ARAP2: variants seen among roughly 807,000 people sequenced by gnomAD.
The protein encoded by ARAP2 is ArfGAP with RhoGAP domain, ankyrin repeat and PH domain 2.
A neutral mutation model predicts 194.5 loss-of-function variants in ARAP2; 148 were observed. That is an observed-to-expected ratio of 0.76 (90% confidence interval 0.67 to 0.87). The LOEUF (loss-of-function observed/expected upper bound fraction) is 0.87. ARAP2 is among the 40% of genes least tolerant of loss of function. ARAP2 has a pLI of 0.00. For synonymous variants in ARAP2, 695 were observed against 683.5 expected, an observed-to-expected ratio of 1.02 and a Z score of -0.26; for missense variants, 2,128 against 1,989.7, an observed-to-expected ratio of 1.07 and a Z score of -1.32.
At chr4:36,148,815 C>A (rs548095725) in intron 16 of ARAP2, among the ~76,000 whole-genome samples, 1 of 152,274 alleles carries the variant, frequency 6.6e-6, no homozygotes, top group South Asian at 2.1e-4. Context: ...TTCCCTCTCT[C>A]ACCACTCCTT....
At chr4:36,127,293 G>A (rs995112200) in intron 21 of ARAP2, among the ~76,000 whole-genome samples, 3 of 152,052 alleles carry the variant, frequency 2.0e-5, no homozygotes, top group Non-Finnish European at 4.4e-5. Context: ...ATTTAGCTCT[G>A]TGTTTTATAT....
intron 2 of ARAP2, among the ~76,000 whole-genome samples, chr4:36,224,844 G>A (rs1470071683): frequency 2.0e-5 from 3 of 151,884 alleles, no homozygotes; most frequent in African/African-American, 4.8e-5. Flanking sequence ...CTACTATAAC[G>A]TGAAACATAA....
At chr4:36,035,693 C>T (rs1719787226) in intron 5 of ARAP2, among the ~76,000 whole-genome samples, 1 of 152,064 alleles carries the variant, frequency 6.6e-6, no homozygotes, top group African/African-American at 2.4e-5. Flanking sequence ...TTCATCAATA[C>T]ATTTTTTAAA....
intron 16 of ARAP2, among the ~76,000 whole-genome samples, chr4:36,150,214 GAA>G (rs1264897864): frequency 6.6e-6 from 1 of 152,096 alleles, no homozygotes; most frequent in East Asian, 1.9e-4. Flanking sequence ...GATCGTCATA[GAA>G]TATTCTCCTT....
chr4:36,193,968 C>T (rs911757248), intron 6 of ARAP2, among the ~76,000 whole-genome samples: 2 of 152,128 alleles, frequency 1.3e-5, no homozygotes, highest in African/African-American at 4.8e-5. Context: ...AAAGATAATC[C>T]TTCCACGAAG....
At position 36,060,734 on chromosome 4, in the gene ARAP2, C is replaced by T. The variant is rs536435895; in HGVS notation, n.148-2591G>A. Among the ~76,000 whole-genome samples the T allele has an allele frequency of 1.5e-3, 229 of 152,182 alleles. 5 individuals are homozygous for T. Among genetic ancestry groups the T allele is most frequent in the South Asian group, 8.3e-4 (4 of 4,834 alleles). On this transcript the variant is annotated intron_variant and non_coding_transcript_variant, in intron 1 of 12. Coordinates refer to the ARAP2 transcript ENST00000503225. ...GTTTGTTTTCTTATAAGGTCTTTCT[C>T]TTCACTTTGCAGACACTCTCCTTGT... is the stretch of plus-strand genomic sequence containing the variant.
intron 6 of ARAP2, among the ~76,000 whole-genome samples, chr4:36,017,663 C>G (rs908421916): frequency 6.1e-5 from 9 of 147,824 alleles, no homozygotes; most frequent in African/African-American, 2.0e-4. Flanking sequence ...TCCTATACCC[C>G]TGGGACAGTA....
intron 9 of ARAP2, among the ~76,000 whole-genome samples, chr4:36,009,960 C>T (rs894473934): frequency 2.0e-5 from 3 of 151,154 alleles, no homozygotes; most frequent in Admixed American, 6.6e-5. Context: ...TTCTCTTTTT[C>T]CTTGAGATTT....
intron 7 of ARAP2, among the ~76,000 whole-genome samples, chr4:36,193,002 A>C (rs13122593): frequency 0.25 from 38,235 of 152,184 alleles, 5,428 homozygotes; most frequent in South Asian, 0.33. Context: ...TCTCCAAAAA[A>C]GAAAAAAAAG....
At chr4:36,119,742 A>G in intron 23 of ARAP2, 24 bp from the exon 24 acceptor site, 1 of 1,509,198 alleles carries the variant, frequency 6.6e-7, no homozygotes. Flanking sequence ...AATTCGGGAC[A>G]TTCTAATAAT....
chr4:36,158,102 T>C lies in ARAP2; in HGVS notation c.2752+628A>G, dbSNP rs1733002164. Among the ~76,000 whole-genome samples, 6 of 152,174 alleles carry C rather than the reference T, an allele frequency of 3.9e-5. No individual in the cohort carries two copies. The South Asian group carries it at 1.2e-3, about 32-fold the overall frequency. On this transcript the variant is annotated intron_variant, in intron 15 of 32. Transcript: ENST00000303965. ...TATATACATGAGCATAAGGACTGTG[T>C]CTTAGTCATTTCTAAAATCCCGATA... is the stretch of plus-strand genomic sequence containing the variant.
intron 24 of ARAP2, among the ~76,000 whole-genome samples, 158 bp from the exon 25 acceptor site, chr4:36,117,293 T>C (rs1721596356): frequency 6.6e-6 from 1 of 151,778 alleles, no homozygotes; most frequent in Admixed American, 6.6e-5. Context: ...TGTGCCCATT[T>C]CCACATATGG....
chr4:36,198,467 G>A (rs1238959494), intron 6 of ARAP2, among the ~76,000 whole-genome samples: 5 of 152,200 alleles, frequency 3.3e-5, no homozygotes, highest in Non-Finnish European at 5.9e-5. Context: ...TCTGCCCATG[G>A]CCCAGCTTCA....
At chr4:36,012,060 G>A (rs1280057602) in intron 9 of ARAP2, among the ~76,000 whole-genome samples, 2 of 152,062 alleles carry the variant, frequency 1.3e-5, no homozygotes, top group East Asian at 3.9e-4. Flanking sequence ...TTCATGGTAT[G>A]TCATTATTAA....
chr4:36,121,491 T>C (rs994766755), intron 22 of ARAP2, among the ~76,000 whole-genome samples, 165 bp from the exon 23 acceptor site: 3 of 151,724 alleles, frequency 2.0e-5, no homozygotes, highest in African/African-American at 7.3e-5. Flanking sequence ...AAGTAGCTTA[T>C]AATGATAGTT....
In ARAP2 at chr4:36,056,174, T is replaced by C. The variant is rs75255383; in HGVS notation, n.321+1796A>G. ...AAAACTATAATAATACAAATTCTTT[T>C]ATCAATGTAACCATTTGTATAAAGT... On this transcript the variant is annotated intron_variant and non_coding_transcript_variant, in intron 2 of 12. Coordinates refer to the ARAP2 transcript ENST00000503225. Among the ~76,000 whole-genome samples, 460 of 152,358 alleles carry C rather than the reference T, an allele frequency of 3.0e-3. 1 individual carries two copies. The highest frequency in any genetic ancestry group is 0.01 in the African/African-American group (423 of 41,586).
At position 36,210,696 on chromosome 4, in the gene ARAP2, T is replaced by C. The variant is rs891696720; in HGVS notation, c.1181A>G (p.Asp394Gly). The change falls in exon 6 of 33, where the codon GAT becomes GGT. Residue 394 changes from aspartate (D) to glycine (G), a missense_variant. Transcript: ENST00000303965. ...TTTGTCCTCTCGAGGTATCCAAATA[T>C]CTTCCACCTTGTCCTCGCTTATTTT... ...KEKISEDKVE[D>G]IWIPREDKNN... 1.9e-6 allele frequency: 3 copies of C among 1,611,546 alleles called. No individual in the cohort carries two copies. Among genetic ancestry groups the C allele is most frequent in the Non-Finnish European group, 8.5e-7 (1 of 1,179,316 alleles).
At chr4:36,190,423 A>G (rs999873160) in intron 7 of ARAP2, among the ~76,000 whole-genome samples, 22 of 152,326 alleles carry the variant, frequency 1.4e-4, no homozygotes, top group Admixed American at 1.2e-3. Context: ...AGTTAATACT[A>G]TAGAAATATT....
At chr4:36,020,422 TA>T (rs1716717292) in intron 5 of ARAP2, among the ~76,000 whole-genome samples, 1 of 136,732 alleles carries the variant, frequency 7.3e-6, no homozygotes. Context: ...CGCCCCCACC[TA>T]AAAAAAGTAA....
Sources: allele counts gnomAD v4.1 joint callset (sites outside exome capture counted in the v4.1 genomes callset), GRCh38; gene constraint gnomAD v4.1.1; transcripts MANE v1.5; gene names NCBI Gene and HGNC (gene_info 2026-07-23, HGNC 2026-07-21).